The following GALK1 variants were observed in gnomAD, a reference collection of about 807,000 sequenced individuals.
The protein encoded by GALK1 is galactokinase.
GALK1 carries 30 observed loss-of-function variants against 38.6 expected under a neutral mutation model. The ratio of observed to expected loss-of-function variants is 0.78; its 90% CI spans 0.58 to 1.05. The LOEUF (loss-of-function observed/expected upper bound fraction) is 1.05. GALK1 is among the 50% of genes least tolerant of loss of function. GALK1 has a pLI of 0.00. For missense variants in GALK1, 512 were observed against 540.5 expected (o/e 0.95, Z 0.52); for synonymous variants, 240 against 233.6 (o/e 1.03, Z -0.25).
In GALK1 at chr17:75,763,973, G is replaced by C. The variant is rs749735019; in HGVS notation, c.279C>G (p.Pro93=). 1 of 1,613,024 alleles carries C rather than the reference G, an allele frequency of 6.2e-7. No homozygotes were observed. Among genetic ancestry groups the C allele is most frequent in the Non-Finnish European group, 8.5e-7 (1 of 1,179,892 alleles). The part of the protein sequence containing the change: ...DEPQRLQFPL[P]TAQRSLEPGT... ...CAGGCTCCAGCGAGCGCTGGGCTGT[G>C]GGCAGTGGAAACTGCAGCCGCTGGG... The change falls in exon 2 of 8, where the codon CCC becomes CCG. Residue 93 remains proline, a synonymous_variant. Transcript: ENST00000588479.
chr17:75,763,249 T>G (rs912070478), intron 3 of GALK1, 71 bp downstream of exon 3: 2 of 1,612,508 alleles, frequency 1.2e-6, no homozygotes, highest in South Asian at 2.2e-5. Flanking sequence ...CCATAAGGCA[T>G]AGTAGAAGCT....
Position 75,763,001 on chromosome 17 carries a change from G to A in GALK1, c.611+13C>T, listed in dbSNP as rs1463748519. 1 of 1,612,510 alleles carries A rather than the reference G, an allele frequency of 6.2e-7. No homozygotes were observed. Among genetic ancestry groups the A allele is most frequent in the Non-Finnish European group, 8.5e-7 (1 of 1,179,982 alleles). On this transcript the variant is annotated intron_variant, in intron 4 of 7. Coordinates refer to ENST00000588479, the MANE Select transcript of GALK1 (RefSeq NM_000154.2). ...AGTGCAGGGCGGGAGGGGACGAGGGGAGCGAGCCCAACCTGCAGTCAATGA... is the reference window on the plus strand; with the variant it reads ...AGTGCAGGGCGGGAGGGGACGAGGGAAGCGAGCCCAACCTGCAGTCAATGA...
intron 5 of GALK1, 21 bp downstream of exon 5, chr17:75,762,683 G>C: frequency 1.2e-6 from 2 of 1,612,658 alleles, no homozygotes; most frequent in Non-Finnish European, 1.7e-6. Flanking sequence ...CTCCAGGATA[G>C]AGCACCCTGG....
downstream of GALK1, chr17:75,754,362 C>A: frequency 3.2e-6 from 2 of 620,218 alleles, no homozygotes; most frequent in Admixed American, 2.9e-5. Flanking sequence ...GATAGAGTGG[C>A]CGGCCAGAGG....
At chr17:75,754,854 C>T, downstream of GALK1, 4 of 1,613,498 alleles carry the variant, frequency 2.5e-6, no homozygotes, top group South Asian at 4.4e-5. Flanking sequence ...CCCACTAACC[C>T]TTCCTCTCTT....
chr17:75,752,589 C>G (rs780154656), intron 8 of GALK1: 1 of 1,613,304 alleles, frequency 6.2e-7, no homozygotes, highest in African/African-American at 1.3e-5. Context: ...TGAGTGGAGA[C>G]CTGGGACCCA....
At chr17:75,756,476 G>T, downstream of GALK1, 1 of 1,613,368 alleles carries the variant, frequency 6.2e-7, no homozygotes, top group Non-Finnish European at 8.5e-7. Context: ...GACCTCGGTG[G>T]TGGTGGAAGA....
At chr17:75,760,742 C>G (rs1333439802) in intron 5 of GALK1, among the ~76,000 whole-genome samples, 2 of 151,994 alleles carry the variant, frequency 1.3e-5, no homozygotes, top group African/African-American at 4.8e-5. Context: ...CGCCACTGCG[C>G]TCCAGCCTGG....
chr17:75,752,027 C>T lies in GALK1; in HGVS notation c.*23-290G>A, dbSNP rs820391. The T allele has an allele frequency of 0.42, 357,500 of 855,400 alleles. 77,571 individuals carry two copies. Among genetic ancestry groups the T allele is most frequent in the Admixed American group, 0.44 (26,017 of 58,824 alleles). 53.0% of individuals were successfully genotyped at this position (855,400 alleles called of 1,614,324 possible). A position where few individuals can be genotyped will look rare whatever the true frequency, so the allele number is the denominator to read the frequency against. On this transcript the variant is annotated intron_variant, in intron 8 of 8. Coordinates refer to the GALK1 transcript ENST00000225614. ...ATGCTGACGCTCAGGGCTCCGCAGG[C>T]GGCAATTCAGCAGTGGCTGGCTTTG...
At chr17:75,753,922 G>A, downstream of GALK1, 1 of 1,284,370 alleles carries the variant, frequency 7.8e-7, no homozygotes, top group South Asian at 2.7e-5. Context: ...ACGGCGGCGC[G>A]GGCGGGAAGG....
At chr17:75,757,740 T>C (rs762418706), downstream of GALK1, 1 of 780,056 alleles carries the variant, frequency 1.3e-6, no homozygotes, top group Non-Finnish European at 2.1e-6. Flanking sequence ...GGCCCAAACC[T>C]ATTTGTAACC....
Position 75,764,994 on chromosome 17 carries a change from T to C in GALK1, c.143A>G (p.Asn48Ser), listed in dbSNP as rs772388628. ...VNLIGEHTDY[N>S]QGLVLPMALE... Reference sequence around the variant, plus strand: ...CACCATAGGCAGCACCAGGCCCTGGTTGTAGTCCGTGTGTTCCCCGATGAG... The same window carrying C: ...CACCATAGGCAGCACCAGGCCCTGGCTGTAGTCCGTGTGTTCCCCGATGAG... The change falls in exon 1 of 8, where the codon AAC becomes AGC. Residue 48 changes from asparagine to serine, a missense_variant. Asn to Ser is a conservative substitution (Grantham distance 46). Transcript: ENST00000588479. The C allele has an allele frequency of 3.1e-6, 5 of 1,610,292 alleles. No homozygotes were observed. Among genetic ancestry groups the C allele is most frequent in the Admixed American group, 3.3e-5 (2 of 59,726 alleles).
chr17:75,754,808 C>G (rs1343916826), downstream of GALK1: 1 of 1,614,092 alleles, frequency 6.2e-7, no homozygotes, highest in East Asian at 2.2e-5. Context: ...CCTCCGTCTC[C>G]TCCCACGGTG....
chr17:75,754,593 C>T (rs1299766746), downstream of GALK1: 11 of 1,613,768 alleles, frequency 6.8e-6, no homozygotes, highest in East Asian at 2.2e-5. Flanking sequence ...GGTGAATGGC[C>T]GGATGGACTT....
downstream of GALK1, chr17:75,756,782 T>C (rs1161462338): frequency 6.2e-7 from 1 of 1,612,768 alleles, no homozygotes; most frequent in South Asian, 1.1e-5. Flanking sequence ...TCGCTGCAGC[T>C]GAGCTGGGAG....
At chr17:75,759,508 A>G (rs984209667) in intron 5 of GALK1, among the ~76,000 whole-genome samples, 4 of 151,978 alleles carry the variant, frequency 2.6e-5, no homozygotes, top group African/African-American at 9.7e-5. Context: ...AAAACTGAGC[A>G]TGTCTTGGAG....
downstream of GALK1, chr17:75,755,012 G>C: frequency 6.3e-7 from 1 of 1,579,682 alleles, no homozygotes; most frequent in Non-Finnish European, 8.6e-7. Context: ...ACACATGCAT[G>C]CACACTCCCT....
In GALK1 at chr17:75,765,185, C is replaced by T; in HGVS notation, c.-49G>A. 1 of 1,380,910 alleles carries T rather than the reference C, an allele frequency of 7.2e-7. No individual in the cohort carries two copies. The highest frequency in any genetic ancestry group is 3.0e-5 in the East Asian group (1 of 32,904). 85.5% of individuals were successfully genotyped at this position (1,380,910 alleles called of 1,614,324 possible). ...AGCTGCTCCGGCACAGCCCCGTCGG[C>T]GCGGGATGCTCGGGCGGGGCCCCGC... On this transcript the variant is annotated 5_prime_UTR_variant, in exon 1 of 8. Coordinates refer to ENST00000588479, the MANE Select transcript of GALK1 (RefSeq NM_000154.2).
chr17:75,755,894 G>A (rs759425288), downstream of GALK1: 1 of 1,587,176 alleles, frequency 6.3e-7, no homozygotes, highest in South Asian at 1.1e-5. Flanking sequence ...AGCCCTGCAA[G>A]GCCTGGCCCC....
Sources: gnomAD v4.1 joint callset for allele counts (sites outside exome capture counted in the v4.1 genomes callset) on GRCh38, gnomAD v4.1.1 for gene constraint, MANE v1.5 for transcripts, NCBI Gene and HGNC (gene_info 2026-07-23, HGNC 2026-07-21) for gene names.